CELF2: variants seen among roughly 807,000 people sequenced by gnomAD.
CELF2 encodes CUGBP Elav-like family member 2.
Under a neutral mutation model 62.6 loss-of-function variants are expected in CELF2, and 8 were observed. The ratio of observed to expected loss-of-function variants is 0.13; its 90% CI spans 0.07 to 0.23. The LOEUF (loss-of-function observed/expected upper bound fraction) is 0.23. Ranked by LOEUF, CELF2 falls within the 10% of genes least tolerant of loss-of-function variation. The pLI, the probability that CELF2 is intolerant of heterozygous loss-of-function variation, is 1.00. For missense variants in CELF2, 333 were observed against 671.0 expected, an observed-to-expected ratio of 0.50 and a Z score of 5.56; for synonymous variants, 258 against 250.0, an observed-to-expected ratio of 1.03 and a Z score of -0.30.
At chr10:10,815,415 C>T (rs1273870666) in intron 1 of CELF2, among the ~76,000 whole-genome samples, 1 of 152,120 alleles carries the variant, frequency 6.6e-6, no homozygotes, top group African/African-American at 2.4e-5. Flanking sequence ...CTCCTGAGAA[C>T]TTGGGTTTTG....
rs377685225 is a variant in CELF2 at position 11,165,666 on chromosome 10, C to T, written c.255C>T (p.Asn85=). Residue 85 remains asparagine (N), a synonymous_variant, in exon 2 of 13, where the codon AAC becomes AAT. Coordinates refer to ENST00000633077, the MANE Select transcript of CELF2 (RefSeq NM_001326342.2). This position sits in a 1 kb window ranked among gnomAD's most constrained non-coding sequence, Gnocchi z 7.4. ...QINVLRDRSQ[N]PPQSKGCCFV... is the part of the protein sequence containing the mutation. ...ACGTCCTCCGGGACCGGAGTCAGAA[C>T]CCTCCGCAGAGTAAAGGTACAGAGC... 12 of 1,613,588 alleles carry T rather than the reference C, an allele frequency of 7.4e-6. No individual in the cohort carries two copies. In the South Asian group the frequency reaches 8.8e-5, roughly 12 times the overall value.
chr10:11,285,877 G>T lies in CELF2; in HGVS notation c.842-2541G>T, dbSNP rs1017083645. Among the ~76,000 whole-genome samples, 1 of 107,382 alleles carries T rather than the reference G, an allele frequency of 9.3e-6. No individual in the cohort carries two copies. Among genetic ancestry groups the T allele is most frequent in the Non-Finnish European group, 1.8e-5 (1 of 57,088 alleles). 70.4% of individuals were successfully genotyped at this position (107,382 alleles called of 152,430 possible). ...TGTGTGTGTGTGTGTGTGTGTGTGT[G>T]TTTTTACATGGACTTGAAAATGAGT... On this transcript the variant is annotated intron_variant, in intron 8 of 12. Coordinates refer to ENST00000633077, the MANE Select transcript of CELF2 (RefSeq NM_001326342.2). The surrounding 1 kb of genome is among the most constrained non-coding windows in gnomAD (Gnocchi z 4.3).
chr10:10,713,556 C>T, the CELF2 span, among the ~76,000 whole-genome samples: 5 of 152,352 alleles, frequency 3.3e-5, no homozygotes, highest in East Asian at 9.6e-4. Context: ...TAATCACCTA[C>T]GACCCTTCGG....
intron 7 of CELF2, among the ~76,000 whole-genome samples, chr10:11,273,548 G>A (rs1007087438): frequency 6.6e-6 from 1 of 152,120 alleles, no homozygotes; most frequent in African/African-American, 2.4e-5. Context: ...GCTGGAATCA[G>A]CCACTGATAG....
intron 4 of CELF2, among the ~76,000 whole-genome samples, chr10:11,250,430 G>T (rs2076801617): frequency 6.6e-6 from 1 of 152,184 alleles, no homozygotes; most frequent in Middle Eastern, 3.2e-3. Flanking sequence ...TTTACTTAGG[G>T]TTAATTCGTT....
chr10:10,545,745 TAGG>T, the CELF2 span, among the ~76,000 whole-genome samples: 9 of 152,168 alleles, frequency 5.9e-5, no homozygotes, highest in East Asian at 1.7e-3. Context: ...AACCTTCAAA[TAGG>T]AGATTATTTT....
At chr10:10,467,753 C>T in the CELF2 span, among the ~76,000 whole-genome samples, 11 of 151,924 alleles carry the variant, frequency 7.2e-5, no homozygotes, top group South Asian at 2.1e-4. Flanking sequence ...TTTCTTTAAG[C>T]AATGGATTGT....
chr10:11,208,257 TTCAC>T (rs751347388), intron 2 of CELF2, among the ~76,000 whole-genome samples: 1 of 151,822 alleles, frequency 6.6e-6, no homozygotes, highest in Non-Finnish European at 1.5e-5. Flanking sequence ...CCTATGAAGG[TTCAC>T]TAAGAGTCCC....
chr10:11,186,355 C>A (rs568938137), intron 2 of CELF2, among the ~76,000 whole-genome samples: 1 of 80,018 alleles, frequency 1.2e-5, no homozygotes, highest in East Asian at 4.4e-4. Context: ...TGCTTCCATT[C>A]TTTTGCTTAT....
chr10:10,761,549 T>C, the CELF2 span, among the ~76,000 whole-genome samples: 1 of 152,232 alleles, frequency 6.6e-6, no homozygotes, highest in Non-Finnish European at 1.5e-5. Context: ...TTTGAATCAG[T>C]AGACTGAATA....
intron 2 of CELF2, among the ~76,000 whole-genome samples, chr10:11,203,467 G>A (rs2059734516): frequency 6.6e-6 from 1 of 152,124 alleles, no homozygotes; most frequent in Non-Finnish European, 1.5e-5. Flanking sequence ...GGAAAGCCAA[G>A]CATTCTCTTT....
chr10:11,202,483 A>G (rs1352368223), intron 2 of CELF2, among the ~76,000 whole-genome samples: 3 of 152,170 alleles, frequency 2.0e-5, no homozygotes, highest in Non-Finnish European at 4.4e-5. Flanking sequence ...TTTGGATCCT[A>G]GACTGCCCTC....
chr10:11,258,177 T>C (rs2079384699), intron 5 of CELF2, among the ~76,000 whole-genome samples: 2 of 151,996 alleles, frequency 1.3e-5, no homozygotes, highest in South Asian at 4.1e-4. Flanking sequence ...TGGGGGGAGG[T>C]GCAAGAAGGA....
intron 2 of CELF2, among the ~76,000 whole-genome samples, chr10:11,195,389 G>A (rs1252226225): frequency 6.6e-6 from 1 of 152,180 alleles, no homozygotes; most frequent in Non-Finnish European, 1.5e-5. Flanking sequence ...TTCTGCTTTT[G>A]CTACATGAAG....
intron 2 of CELF2, among the ~76,000 whole-genome samples, chr10:10,921,892 G>A (rs533489697): frequency 3.9e-5 from 6 of 152,320 alleles, no homozygotes; most frequent in African/African-American, 1.4e-4. Flanking sequence ...ATAATCATGC[G>A]TGAATGTATT....
the CELF2 span, among the ~76,000 whole-genome samples, chr10:10,468,156 T>A: frequency 6.6e-6 from 1 of 152,060 alleles, no homozygotes; most frequent in Non-Finnish European, 1.5e-5. Context: ...TTGAGAGGAA[T>A]GAGCAGGAGC....
chr10:10,677,054 C>T, the CELF2 span, among the ~76,000 whole-genome samples: 16 of 152,274 alleles, frequency 1.1e-4, no homozygotes, highest in South Asian at 3.3e-3. Flanking sequence ...CAGTTCAGCC[C>T]AGCTGCTCAT....
Position 10,822,098 on chromosome 10 carries a change from G to T in CELF2, c.53+23281G>T, listed in dbSNP as rs531753030. Among the ~76,000 whole-genome samples the T allele has an allele frequency of 7.2e-5, 11 of 152,262 alleles. 1 individual carries two copies. The highest frequency in any genetic ancestry group is 2.4e-4 in the African/African-American group (10 of 41,550). On this transcript the variant is annotated intron_variant, in intron 1 of 13. Transcript: ENST00000636488. ...CTCACAACCACCTGTTGATGTGGCC[G>T]CCTGGCAGGTACCACGTTGTGCTGT...
chr10:10,743,357 C>T, the CELF2 span, among the ~76,000 whole-genome samples: 3 of 152,208 alleles, frequency 2.0e-5, no homozygotes, highest in Non-Finnish European at 2.9e-5. Flanking sequence ...TGACAAGTTA[C>T]AGATACACAC....
Sources: allele counts gnomAD v4.1 joint callset (sites outside exome capture counted in the v4.1 genomes callset), GRCh38; gene constraint gnomAD v4.1.1; non-coding constraint Gnocchi (gnomAD v3.1); transcripts MANE v1.5; gene names NCBI Gene and HGNC (gene_info 2026-07-23, HGNC 2026-07-21).